The following PTPRT variants were observed in gnomAD, a reference collection of about 807,000 sequenced individuals.
PTPRT encodes protein tyrosine phosphatase receptor type T, also known as receptor-type tyrosine-protein phosphatase T.
A neutral mutation model predicts 176.8 loss-of-function variants in PTPRT; 56 were observed. That is an observed-to-expected ratio of 0.32 (90% CI 0.26 to 0.40). The LOEUF (loss-of-function observed/expected upper bound fraction) is 0.40. PTPRT is among the 10% of genes least tolerant of loss of function. The probability of loss-of-function intolerance (pLI) is 1.00; values close to 1 mark genes in which losing one functional copy is unlikely to be tolerated. For synonymous variants in PTPRT, 783 were observed against 739.0 expected, an observed-to-expected ratio of 1.06 and a Z score of -0.96; for missense variants, 1,540 against 1,908.2, an observed-to-expected ratio of 0.81 and a Z score of 3.60.
At chr20:42,865,269 C>G (rs1467728159) in intron 2 of PTPRT, among the ~76,000 whole-genome samples, 1 of 152,236 alleles carries the variant, frequency 6.6e-6, no homozygotes, top group Non-Finnish European at 1.5e-5. Context: ...GACTAAGCAA[C>G]TTGCTTCAGG....
In PTPRT at chr20:42,925,463, T is replaced by C. The variant is rs150705945; in HGVS notation, c.89-39531A>G. ...TAAGTGTTGGAAGGGCAAGGAGTGA[T>C]AGAAGCTCTAAAACTCAGAGGCTCT... On this transcript the variant is annotated intron_variant, in intron 1 of 30. Transcript: ENST00000373187. 2.6e-3 allele frequency among the ~76,000 whole-genome samples: 389 copies of C among 152,312 alleles called. 1 individual carries two copies. Among genetic ancestry groups the C allele is most frequent in the African/African-American group, 8.8e-3 (367 of 41,574 alleles).
intron 1 of PTPRT, among the ~76,000 whole-genome samples, chr20:43,180,726 G>T (rs1209455971): frequency 6.6e-6 from 1 of 152,052 alleles, no homozygotes; most frequent in African/African-American, 2.4e-5. Context: ...GCTTCCCAAA[G>T]TGTTGGAATT....
intron 2 of PTPRT, among the ~76,000 whole-genome samples, chr20:42,848,927 T>C (rs1189362312): frequency 6.6e-6 from 1 of 152,246 alleles, no homozygotes; most frequent in South Asian, 2.1e-4. Context: ...TGTTATCTTC[T>C]AGAATTTTTA....
intron 14 of PTPRT, among the ~76,000 whole-genome samples, chr20:42,246,890 G>A (rs539008986): frequency 6.6e-6 from 1 of 152,242 alleles, no homozygotes; most frequent in East Asian, 1.9e-4. Flanking sequence ...TAATACATCT[G>A]TAACTCTAAG....
chr20:42,499,961 A>G (rs576092332), intron 7 of PTPRT, among the ~76,000 whole-genome samples: 24 of 152,304 alleles, frequency 1.6e-4, no homozygotes, highest in Admixed American at 1.4e-3. Context: ...TTGTATGACT[A>G]TATCACAGTT....
At chr20:42,993,482 A>ATG (rs1358497011) in intron 1 of PTPRT, among the ~76,000 whole-genome samples, 1 of 95,642 alleles carries the variant, frequency 1.0e-5, no homozygotes, top group Admixed American at 9.5e-5. Flanking sequence ...ATACACATAT[A>ATG]TGTGTGTGTA....
chr20:42,846,537 G>A (rs1156427330), intron 2 of PTPRT, among the ~76,000 whole-genome samples: 1 of 152,184 alleles, frequency 6.6e-6, no homozygotes, highest in Admixed American at 6.5e-5. Flanking sequence ...GCTTCTAGGG[G>A]CTGCAAGAAG....
At chr20:42,966,804 A>G (rs1982320960) in intron 1 of PTPRT, among the ~76,000 whole-genome samples, 1 of 152,152 alleles carries the variant, frequency 6.6e-6, no homozygotes, top group Admixed American at 6.5e-5. Flanking sequence ...AAAAGTTCGT[A>G]AAAATCAAGG....
intron 9 of PTPRT, among the ~76,000 whole-genome samples, chr20:42,364,399 T>C (rs754644864): frequency 6.6e-6 from 1 of 152,220 alleles, no homozygotes; most frequent in Non-Finnish European, 1.5e-5. Context: ...GACTACACCA[T>C]CAATTCAATC....
intron 1 of PTPRT, among the ~76,000 whole-genome samples, chr20:42,964,246 A>G: frequency 6.6e-6 from 1 of 152,208 alleles, no homozygotes; most frequent in Non-Finnish European, 1.5e-5. Flanking sequence ...GTGTATCGAA[A>G]TATTTTCCAT....
At chr20:42,819,035 T>C (rs548071296) in intron 2 of PTPRT, among the ~76,000 whole-genome samples, 2 of 152,004 alleles carry the variant, frequency 1.3e-5, no homozygotes, top group East Asian at 3.9e-4. Context: ...ACATACAAAT[T>C]CAGGAAATGC....
intron 11 of PTPRT, among the ~76,000 whole-genome samples, chr20:42,327,340 G>T (rs973675967): frequency 1.3e-5 from 2 of 151,954 alleles, no homozygotes; most frequent in Non-Finnish European, 2.9e-5. Flanking sequence ...CAAATACAAT[G>T]TGTGATCCTT....
In PTPRT at chr20:43,039,376, C is replaced by T. The variant is rs906468238; in HGVS notation, c.88+150270G>A. On this transcript the variant is annotated intron_variant, in intron 1 of 30. Coordinates refer to ENST00000373187, the MANE Select transcript of PTPRT (RefSeq NM_007050.6). The stretch of plus-strand genomic sequence containing the variant: ...AATGATAAAAAAAAAACCACAAAAT[C>T]TCTATCTCACTCCTTACACCAAAAT... Among the ~76,000 whole-genome samples the T allele has an allele frequency of 5.3e-5, 8 of 151,500 alleles. No individual in the cohort carries two copies. In the East Asian group the frequency reaches 1.6e-3, roughly 29 times the overall value.
At chr20:42,487,076 C>T (rs1254548323) in intron 7 of PTPRT, among the ~76,000 whole-genome samples, 2 of 152,098 alleles carry the variant, frequency 1.3e-5, no homozygotes, top group Non-Finnish European at 2.9e-5. Flanking sequence ...AGGCTTGATC[C>T]CCCGAGGGAG....
chr20:42,197,600 G>C (rs908099439), intron 16 of PTPRT, among the ~76,000 whole-genome samples: 1 of 151,846 alleles, frequency 6.6e-6, no homozygotes, highest in Non-Finnish European at 1.5e-5. Context: ...ACTGAAGTAA[G>C]GTTATACTTT....
At chr20:42,562,821 A>G (rs1394633873) in intron 7 of PTPRT, among the ~76,000 whole-genome samples, 1 of 152,194 alleles carries the variant, frequency 6.6e-6, no homozygotes, top group African/African-American at 2.4e-5. Flanking sequence ...CTCAGCTTCT[A>G]GTGCTTTGAA....
chr20:42,772,293 T>C (rs1346450977), intron 4 of PTPRT, among the ~76,000 whole-genome samples: 1 of 152,204 alleles, frequency 6.6e-6, no homozygotes, highest in Non-Finnish European at 1.5e-5. Flanking sequence ...TTTTCTCTAT[T>C]ACACAGTGAA....
chr20:42,136,965 C>T (rs574159878), intron 18 of PTPRT, among the ~76,000 whole-genome samples: 1 of 152,284 alleles, frequency 6.6e-6, no homozygotes, highest in South Asian at 2.1e-4. Context: ...TACCCACTTC[C>T]ATCAGTCATT....
At chr20:42,973,445 CTCTG>C (rs973022542) in intron 1 of PTPRT, among the ~76,000 whole-genome samples, 2 of 151,466 alleles carry the variant, frequency 1.3e-5, no homozygotes, top group African/African-American at 4.9e-5. Context: ...CTCTCTCTCT[CTCTG>C]TGTGTGTTTG....
Sources: gnomAD v4.1 joint callset for allele counts (sites outside exome capture counted in the v4.1 genomes callset) on GRCh38, gnomAD v4.1.1 for gene constraint, MANE v1.5 for transcripts, NCBI Gene and HGNC (gene_info 2026-07-23, HGNC 2026-07-21) for gene names.